BRD1: variants seen among roughly 807,000 people sequenced by gnomAD.
BRD1 encodes the protein bromodomain containing 1.
In BRD1, 24 loss-of-function variants were observed where a neutral mutation model predicts 107.7. The observed-to-expected ratio is 0.22, with a 90% CI of 0.16 to 0.31. BRD1 has a LOEUF of 0.31. BRD1 is among the 10% of genes least tolerant of loss of function. The pLI, the probability that BRD1 is intolerant of heterozygous loss-of-function variation, is 1.00. For missense variants in BRD1, 1,279 were observed against 1,638.6 expected, an observed-to-expected ratio of 0.78 and a Z score of 3.79; for synonymous variants, 744 against 686.1, an observed-to-expected ratio of 1.08 and a Z score of -1.32.
rs1401995113 is a variant in BRD1 at position 49,824,285 on chromosome 22, A to G, written c.33T>C (p.Ser11=). The G allele has an allele frequency of 6.2e-7, 1 of 1,613,980 alleles. No homozygotes were observed. The highest frequency in any genetic ancestry group is 8.5e-7 in the Non-Finnish European group (1 of 1,179,986). MRRKGRCHRG[S]AARHPSSPCS... Reference sequence around the variant, plus strand: ...ATGGGGAAGAAGGATGCCTCGCTGCAGAGCCTCGATGACATCGTCCTTTCC... The same window carrying G: ...ATGGGGAAGAAGGATGCCTCGCTGCGGAGCCTCGATGACATCGTCCTTTCC... The change falls in exon 2 of 13, where the codon TCT becomes TCC. Residue 11 remains serine (S), a synonymous_variant. Transcript: ENST00000404760. The surrounding 1 kb of genome is among the most constrained non-coding windows in gnomAD (Gnocchi z 5.9).
chr22:49,786,137 T>C (rs1256956214), intron 8 of BRD1, among the ~76,000 whole-genome samples: 1 of 124,052 alleles, frequency 8.1e-6, no homozygotes, highest in Non-Finnish European at 1.6e-5. Flanking sequence ...CAGGAGAAAA[T>C]GCGCATCTCC....
At position 49,776,973 on chromosome 22, in the gene BRD1, G is replaced by C. The variant is rs1015855318; in HGVS notation, c.3121+61C>G. ...AGCCGGAGTCCAGTCCCCAGCAGTC[G>C]AGCCCTAAGACGCTAACCAGGAGGT... On this transcript the variant is annotated intron_variant, in intron 10 of 12. Coordinates refer to ENST00000404760, the MANE Select transcript of BRD1 (RefSeq NM_001304808.3). The C allele has an allele frequency of 1.9e-5, 31 of 1,602,044 alleles. 1 individual carries two copies. The highest frequency in any genetic ancestry group is 2.3e-5 in the Non-Finnish European group (27 of 1,175,152).
intron 8 of BRD1, 148 bp from the exon 9 acceptor site, chr22:49,777,961 A>T: frequency 3.4e-6 from 4 of 1,161,672 alleles, no homozygotes; most frequent in Non-Finnish European, 4.7e-6. Context: ...CAAGTTCCCG[A>T]GCATAGTCCT....
At chr22:49,822,710 CAA>C (rs776786142) in intron 2 of BRD1, among the ~76,000 whole-genome samples, 2 of 142,594 alleles carry the variant, frequency 1.4e-5, no homozygotes, top group African/African-American at 2.6e-5. Context: ...ACTCCGTCTC[CAA>C]AAAAAAAAAC....
chr22:49,794,407 A>AGCAAC lies in BRD1; in HGVS notation c.2099-118_2099-114dup, dbSNP rs973979538. On this transcript the variant is annotated intron_variant, in intron 6 of 12. Coordinates refer to ENST00000404760, the MANE Select transcript of BRD1 (RefSeq NM_001304808.3). ...GGCCAAGGCCCTGAGAGTGGCTGTT[A>AGCAAC]GCAACGAGGCCCAGGCCCTGCTCAC... 6 of 1,400,666 alleles carry AGCAAC rather than the reference A, an allele frequency of 4.3e-6. No homozygotes were observed. The African/African-American group carries it at 8.6e-5, about 20-fold the overall frequency. 86.8% of individuals were successfully genotyped at this position (1,400,666 alleles called of 1,614,324 possible).
rs768483107 is a variant in BRD1 at position 49,823,928 on chromosome 22, C to G, written c.390G>C (p.Pro130=). The G allele has an allele frequency of 6.2e-7, 1 of 1,614,206 alleles. No homozygotes were observed. The highest frequency in any genetic ancestry group is 8.5e-7 in the Non-Finnish European group (1 of 1,180,046). ...PKVRIVEYSP[P]SAPRRPPVYY... is the part of the protein sequence containing the mutation. ...ACACAGGAGGCCTCCTGGGGGCGGA[C>G]GGAGGGCTGTACTCCACGATGCGCA... The change falls in exon 2 of 13, where the codon CCG becomes CCC. Residue 130 remains proline (P), a synonymous_variant. Coordinates refer to ENST00000404760, the MANE Select transcript of BRD1 (RefSeq NM_001304808.3).
intron 1 of BRD1, among the ~76,000 whole-genome samples, chr22:49,825,450 G>T (rs928435759): frequency 6.6e-6 from 1 of 152,154 alleles, no homozygotes; most frequent in African/African-American, 2.4e-5. Context: ...CGTGGCAGAG[G>T]CCTCTGCTGT....
rs375561058 is a variant in BRD1, at chr22:49,822,980, G to A, written c.1338C>T (p.Thr446=). ...GCGGGGGAATATAAGGAGCGCACAC[G>A]GTCGGCAGGACCGCGCAGGGCTCAG... ...ALAEPCAVLP[T]VCAPYIPPQR... is the part of the protein sequence containing the mutation. Residue 446 remains threonine, a synonymous_variant, in exon 2 of 13, where the codon ACC becomes ACT. Coordinates refer to ENST00000404760, the MANE Select transcript of BRD1 (RefSeq NM_001304808.3). 2.3e-5 allele frequency: 37 copies of A among 1,614,208 alleles called. No individual in the cohort carries two copies. The highest frequency in any genetic ancestry group is 2.3e-4 in the African/African-American group (17 of 75,050).
chr22:49,801,398 C>T (rs2059638262), intron 3 of BRD1, among the ~76,000 whole-genome samples: 1 of 152,218 alleles, frequency 6.6e-6, no homozygotes, highest in Non-Finnish European at 1.5e-5. Context: ...TCCACCTGCC[C>T]CCACCACAGG....
In BRD1 at chr22:49,803,945, G is replaced by T. The variant is rs1438946890; in HGVS notation, c.1524+259C>A. Among the ~76,000 whole-genome samples the T allele has an allele frequency of 6.6e-6, 1 of 152,230 alleles. No homozygotes were observed. Among genetic ancestry groups the T allele is most frequent in the Non-Finnish European group, 1.5e-5 (1 of 68,044 alleles). ...TGCCCATCAGCGTGTGTGCGGGCAG[G>T]GCAGGGCGGGGGAGCGCAACTCAAA... is the stretch of plus-strand genomic sequence containing the variant. On this transcript the variant is annotated intron_variant, in intron 3 of 12. Coordinates refer to ENST00000404760, the MANE Select transcript of BRD1 (RefSeq NM_001304808.3). This position sits in a 1 kb window ranked among gnomAD's most constrained non-coding sequence, Gnocchi z 4.4.
At chr22:49,798,442 C>T (rs142104772) in intron 5 of BRD1, 116 bp downstream of exon 5, 38 of 1,499,010 alleles carry the variant, frequency 2.5e-5, no homozygotes, top group Middle Eastern at 1.7e-4. Flanking sequence ...TAAATAAAAA[C>T]GAGAATTAAG....
At chr22:49,826,986 C>G (rs1269386829) in intron 1 of BRD1, among the ~76,000 whole-genome samples, 1 of 152,156 alleles carries the variant, frequency 6.6e-6, no homozygotes, top group Non-Finnish European at 1.5e-5. Flanking sequence ...GCCGCGGTGC[C>G]GGTTCCCAAG....
chr22:49,783,668 A>C lies in BRD1; in HGVS notation c.2857+3722T>G, dbSNP rs1000239854. On this transcript the variant is annotated intron_variant, in intron 8 of 12. Coordinates refer to ENST00000404760, the MANE Select transcript of BRD1 (RefSeq NM_001304808.3). This position sits in a 1 kb window ranked among gnomAD's most constrained non-coding sequence, Gnocchi z 4.2. The stretch of plus-strand genomic sequence containing the variant: ...TGTCCAGAGGGAAGGCTGAGGTGCC[A>C]CGACATCCCGCCAGCTCCAGGCGTG... 3.4e-5 allele frequency among the ~76,000 whole-genome samples: 5 copies of C among 146,218 alleles called. No homozygotes were observed. The highest frequency in any genetic ancestry group is 7.5e-5 in the Non-Finnish European group (5 of 66,238).
At chr22:49,808,071 C>A (rs913053661) in intron 2 of BRD1, among the ~76,000 whole-genome samples, 1 of 152,102 alleles carries the variant, frequency 6.6e-6, no homozygotes, top group African/African-American at 2.4e-5. Context: ...TGAACCCTTG[C>A]GCACCGCCGG....
intron 3 of BRD1, among the ~76,000 whole-genome samples, chr22:49,799,535 G>C (rs1046635614): frequency 9.8e-5 from 15 of 152,336 alleles, no homozygotes; most frequent in African/African-American, 2.9e-4. Flanking sequence ...CGGCTGGAAA[G>C]AAACCAGGTG....
chr22:49,778,923 A>G (rs1163349485), intron 8 of BRD1, among the ~76,000 whole-genome samples: 2 of 152,208 alleles, frequency 1.3e-5, no homozygotes, highest in African/African-American at 4.8e-5. Context: ...GGCCTCCCAA[A>G]GTGCTGGGAT....
chr22:49,776,919 G>T, intron 10 of BRD1, 115 bp downstream of exon 10: 1 of 1,468,216 alleles, frequency 6.8e-7, no homozygotes, highest in Non-Finnish European at 9.3e-7. Flanking sequence ...GGCCAGGGTG[G>T]GGCTCCACAC....
intron 9 of BRD1, 27 bp downstream of exon 9, chr22:49,777,651 T>C (rs2146932460): frequency 6.3e-7 from 1 of 1,594,456 alleles, no homozygotes; most frequent in East Asian, 2.3e-5. Flanking sequence ...AGCTGCGTGG[T>C]GGGAAGCGCA....
Position 49,776,101 on chromosome 22 carries a change from A to G in BRD1, c.3180T>C (p.Pro1060=). ...STDAAASVLE[P]LKVVWAKCSG... Reference sequence around the variant, plus strand: ...TGCACTTGGCCCACACCACCTTCAGAGGCTCCAGCACCGAGGCGGCGGCAT... The same window carrying G: ...TGCACTTGGCCCACACCACCTTCAGGGGCTCCAGCACCGAGGCGGCGGCAT... Residue 1060 remains proline (P), a synonymous_variant, in exon 11 of 13, where the codon CCT becomes CCC. Transcript: ENST00000404760. The G allele has an allele frequency of 6.2e-7, 1 of 1,601,390 alleles. No homozygotes were observed. Among genetic ancestry groups the G allele is most frequent in the South Asian group, 1.1e-5 (1 of 90,606 alleles).
Sources: gnomAD v4.1 joint callset for allele counts (sites outside exome capture counted in the v4.1 genomes callset) on GRCh38, gnomAD v4.1.1 for gene constraint, Gnocchi (gnomAD v3.1) non-coding constraint, MANE v1.5 for transcripts, NCBI Gene and HGNC (gene_info 2026-07-23, HGNC 2026-07-21) for gene names.